The following ARHGAP42 variants were observed in gnomAD, a reference collection of about 807,000 sequenced individuals.
The protein encoded by ARHGAP42 is Rho GTPase activating protein 42.
A neutral mutation model predicts 125.0 loss-of-function variants in ARHGAP42; 63 were observed. That is an observed-to-expected ratio of 0.50 (90% CI 0.41 to 0.62). The LOEUF (loss-of-function observed/expected upper bound fraction) is 0.62, where lower values mean the gene tolerates loss of function less well. Ranked by LOEUF, ARHGAP42 falls within the 20% of genes least tolerant of loss-of-function variation. ARHGAP42 has a pLI of 0.00. For missense variants in ARHGAP42, 766 were observed against 1,024.2 expected (o/e 0.75, Z 3.44); for synonymous variants, 339 against 351.0 (o/e 0.97, Z 0.38).
At chr11:100,963,495 AAATT>A in intron 16 of ARHGAP42, among the ~76,000 whole-genome samples, 1 of 152,338 alleles carries the variant, frequency 6.6e-6, no homozygotes, top group Non-Finnish European at 1.5e-5. Context: ...TCCAAGAAAT[AAATT>A]AGTTGCTTTA....
chr11:100,761,480 T>G (rs915708339), intron 1 of ARHGAP42, among the ~76,000 whole-genome samples: 27 of 152,212 alleles, frequency 1.8e-4, no homozygotes, highest in Non-Finnish European at 2.1e-4. Context: ...GTTTTTAACT[T>G]GGGTTGTAGC....
At chr11:100,869,007 AG>A (rs1865639429) in intron 4 of ARHGAP42, among the ~76,000 whole-genome samples, 2 of 152,050 alleles carry the variant, frequency 1.3e-5, no homozygotes, top group African/African-American at 4.8e-5. Flanking sequence ...AAAATGATGA[AG>A]TAATCATGCA....
intron 3 of ARHGAP42, among the ~76,000 whole-genome samples, chr11:100,800,915 G>A (rs1863836106): frequency 6.6e-6 from 1 of 152,142 alleles, no homozygotes; most frequent in South Asian, 2.1e-4. Context: ...TCAGTCATAT[G>A]ATGTTATTAA....
In ARHGAP42 at chr11:100,988,839, T is replaced by C. The variant is rs1565309476; in HGVS notation, c.*38T>C. ...GATGGCAGTATCTTCATGGTATCCA[T>C]GGTAACGAATAAATGCTATGATTTT... On this transcript the variant is annotated 3_prime_UTR_variant, in exon 24 of 24. Coordinates refer to ENST00000298815, the MANE Select transcript of ARHGAP42 (RefSeq NM_152432.4). The C allele has an allele frequency of 7.1e-7, 1 of 1,417,122 alleles. No homozygotes were observed. Among genetic ancestry groups the C allele is most frequent in the Non-Finnish European group, 9.7e-7 (1 of 1,029,174 alleles). 87.8% of individuals were successfully genotyped at this position (1,417,122 alleles called of 1,614,324 possible).
intron 3 of ARHGAP42, among the ~76,000 whole-genome samples, chr11:100,859,079 C>A (rs1342937493): frequency 1.3e-5 from 2 of 152,042 alleles, no homozygotes; most frequent in Non-Finnish European, 2.9e-5. Context: ...AACCTCAATT[C>A]CTCATTTTGA....
At chr11:100,714,648 G>A (rs1178403808) in intron 1 of ARHGAP42, among the ~76,000 whole-genome samples, 1 of 152,160 alleles carries the variant, frequency 6.6e-6, no homozygotes, top group Non-Finnish European at 1.5e-5. Context: ...AGTTAGCGTA[G>A]AGATATCTGG....
intron 3 of ARHGAP42, among the ~76,000 whole-genome samples, chr11:100,825,086 A>G (rs944329045): frequency 6.6e-6 from 1 of 152,202 alleles, no homozygotes; most frequent in African/African-American, 2.4e-5. Flanking sequence ...CTTGTTAGAA[A>G]AATTTTACAG....
At chr11:100,698,290 A>G (rs11224393) in intron 1 of ARHGAP42, among the ~76,000 whole-genome samples, 8,562 of 152,174 alleles carry the variant, frequency 0.056, 367 homozygotes, top group East Asian at 0.21. Flanking sequence ...TGGACAACAC[A>G]GTGAGACCTG....
rs370150917 is a variant in ARHGAP42, at chr11:100,765,464, C to T, written c.155-4879C>T. On this transcript the variant is annotated intron_variant, in intron 1 of 23. Coordinates refer to ENST00000298815, the MANE Select transcript of ARHGAP42 (RefSeq NM_152432.4). The stretch of plus-strand genomic sequence containing the variant: ...ACCTTGGGGAAGTCACTTAACTTAT[C>T]TGTGCCTCAGTTTCTTAATCTGTAA... Among the ~76,000 whole-genome samples the T allele has an allele frequency of 3.9e-5, 6 of 152,254 alleles. No homozygotes were observed. The East Asian group carries it at 9.6e-4, about 24-fold the overall frequency.
At chr11:100,980,577 T>C (rs1858515174) in intron 22 of ARHGAP42, among the ~76,000 whole-genome samples, 1 of 122,032 alleles carries the variant, frequency 8.2e-6, no homozygotes, top group Non-Finnish European at 1.7e-5. Flanking sequence ...TTTTTTTTTT[T>C]TTTTTTTTTT....
At chr11:100,699,654 C>T (rs942262391) in intron 1 of ARHGAP42, among the ~76,000 whole-genome samples, 2 of 150,314 alleles carry the variant, frequency 1.3e-5, no homozygotes, top group African/African-American at 4.9e-5. Flanking sequence ...TCCCAAGCAG[C>T]TGGGATTACA....
chr11:100,701,365 C>T (rs1347736794), intron 1 of ARHGAP42, among the ~76,000 whole-genome samples: 1 of 152,146 alleles, frequency 6.6e-6, no homozygotes. Context: ...GAGAGTCAGC[C>T]TGAAGCTTTG....
intron 1 of ARHGAP42, among the ~76,000 whole-genome samples, chr11:100,734,048 C>A (rs904659086): frequency 6.7e-6 from 1 of 149,870 alleles, no homozygotes; most frequent in Non-Finnish European, 1.5e-5. Flanking sequence ...GATTCTCCTG[C>A]CTCAGCCTCC....
intron 4 of ARHGAP42, among the ~76,000 whole-genome samples, chr11:100,900,723 A>G (rs1361593043): frequency 6.6e-6 from 1 of 152,054 alleles, no homozygotes; most frequent in Non-Finnish European, 1.5e-5. Flanking sequence ...TTGTGTATGC[A>G]TCATGAAGTT....
At chr11:100,970,876 A>C (rs1050613386) in intron 17 of ARHGAP42, among the ~76,000 whole-genome samples, 1 of 152,010 alleles carries the variant, frequency 6.6e-6, no homozygotes, top group African/African-American at 2.4e-5. Flanking sequence ...TGGGTTTCAG[A>C]GGCTGAATTC....
At chr11:100,822,659 T>C (rs1591210561) in intron 3 of ARHGAP42, among the ~76,000 whole-genome samples, 1 of 152,178 alleles carries the variant, frequency 6.6e-6, no homozygotes, top group South Asian at 2.1e-4. Context: ...AGAGCAGTGA[T>C]ATTCTATCAT....
chr11:100,802,443 G>A (rs1001969667), intron 3 of ARHGAP42, among the ~76,000 whole-genome samples: 5 of 47,370 alleles, frequency 1.1e-4, no homozygotes, highest in African/African-American at 3.4e-4. Context: ...TTTTTTTTTT[G>A]AGGCAGAGTC....
chr11:100,875,095 CTCTCTCTCTCTCTGTGTGTG>C (rs1267739262), intron 4 of ARHGAP42, among the ~76,000 whole-genome samples: 8 of 94,796 alleles, frequency 8.4e-5, no homozygotes, highest in South Asian at 7.8e-4. Flanking sequence ...CTCTCTCTCT[CTCTCTCTCTCTCTGTGTGTG>C]TGTGTGTGTG....
intron 5 of ARHGAP42, among the ~76,000 whole-genome samples, chr11:100,913,973 C>T (rs912587215): frequency 1.3e-5 from 2 of 152,056 alleles, no homozygotes; most frequent in South Asian, 4.1e-4. Context: ...TTGGCTGTGT[C>T]GCCCAGGCTG....
Sources: allele counts gnomAD v4.1 joint callset (sites outside exome capture counted in the v4.1 genomes callset), GRCh38; gene constraint gnomAD v4.1.1; transcripts MANE v1.5; gene names NCBI Gene and HGNC (gene_info 2026-07-23, HGNC 2026-07-21).